NRG3: variants seen among roughly 807,000 people sequenced by gnomAD.
NRG3 encodes pro-neuregulin-3, membrane-bound isoform.
NRG3 carries 31 observed loss-of-function variants against 66.9 expected under a neutral mutation model. That is an observed-to-expected ratio of 0.46 (90% CI 0.35 to 0.63). NRG3 has a LOEUF of 0.63. NRG3 is among the 20% of genes least tolerant of loss of function. The pLI, the probability that NRG3 is intolerant of heterozygous loss-of-function variation, is 0.00. For synonymous variants in NRG3, 393 were observed against 359.4 expected, an observed-to-expected ratio of 1.09 and a Z score of -1.06; for missense variants, 910 against 878.9, an observed-to-expected ratio of 1.04 and a Z score of -0.45.
At chr10:82,319,976 C>T (rs1281056140) in intron 1 of NRG3, among the ~76,000 whole-genome samples, 1 of 152,152 alleles carries the variant, frequency 6.6e-6, no homozygotes, top group Non-Finnish European at 1.5e-5. Context: ...CTCTACTTTT[C>T]AAAGCCTTTC....
intron 2 of NRG3, among the ~76,000 whole-genome samples, chr10:82,448,573 T>A (rs2090860359): frequency 6.6e-6 from 1 of 152,158 alleles, no homozygotes; most frequent in Non-Finnish European, 1.5e-5. Flanking sequence ...GATATCAAAT[T>A]TGTGTTCAAA....
chr10:82,157,069 G>A (rs928555820), intron 1 of NRG3, among the ~76,000 whole-genome samples: 1 of 151,584 alleles, frequency 6.6e-6, no homozygotes, highest in African/African-American at 2.4e-5. Context: ...CTTGTGATTT[G>A]CTTCAGGGAA....
intron 1 of NRG3, among the ~76,000 whole-genome samples, chr10:82,171,126 G>A (rs1166103738): frequency 1.3e-5 from 2 of 151,368 alleles, no homozygotes; most frequent in African/African-American, 4.9e-5. Context: ...TAGTCTCCTG[G>A]TGCAATTCAA....
chr10:82,637,877 G>A (rs1045645899), intron 2 of NRG3, among the ~76,000 whole-genome samples: 2 of 151,630 alleles, frequency 1.3e-5, no homozygotes, highest in Non-Finnish European at 2.9e-5. Context: ...TAGCAATGCG[G>A]TAAAGTTAAT....
At chr10:82,081,995 C>T (rs1405905730) in intron 1 of NRG3, among the ~76,000 whole-genome samples, 2 of 152,062 alleles carry the variant, frequency 1.3e-5, no homozygotes, top group African/African-American at 4.8e-5. Context: ...ATATCTAAAA[C>T]CAAAAATAAG....
Position 82,392,021 on chromosome 10 carries a change from A to C in NRG3, c.953+33153A>C, listed in dbSNP as rs983482923. On this transcript the variant is annotated intron_variant, in intron 2 of 8. Transcript: ENST00000372141. ...AAAAAAAAAAAAAAACAAAAAAAAA[A>C]CCCACGAAACTAGGAAAAGCATTAG... is the stretch of plus-strand genomic sequence containing the variant. Among the ~76,000 whole-genome samples, 1,422 of 148,966 alleles carry C rather than the reference A, an allele frequency of 9.5e-3. 16 individuals are homozygous for C. Among genetic ancestry groups the C allele is most frequent in the Non-Finnish European group, 0.014 (937 of 67,246 alleles).
At chr10:82,350,292 T>C (rs1313827459) in intron 1 of NRG3, among the ~76,000 whole-genome samples, 1 of 152,260 alleles carries the variant, frequency 6.6e-6, no homozygotes, top group Non-Finnish European at 1.5e-5. Flanking sequence ...ATAATTTTCA[T>C]TGTTACAACC....
At chr10:82,351,520 GTC>G (rs1213050266) in intron 1 of NRG3, among the ~76,000 whole-genome samples, 5 of 152,224 alleles carry the variant, frequency 3.3e-5, no homozygotes, top group East Asian at 3.9e-4. Flanking sequence ...GTTAGCTGAG[GTC>G]TCTCTGTGCT....
At chr10:82,234,926 A>T (rs2076682344) in intron 1 of NRG3, among the ~76,000 whole-genome samples, 1 of 152,188 alleles carries the variant, frequency 6.6e-6, no homozygotes, top group Non-Finnish European at 1.5e-5. Flanking sequence ...TGTAATCGGG[A>T]TGTGTTTGTA....
At chr10:81,952,148 G>A (rs1766445139) in intron 1 of NRG3, among the ~76,000 whole-genome samples, 1 of 152,142 alleles carries the variant, frequency 6.6e-6, no homozygotes, top group African/African-American at 2.4e-5. Context: ...GTTAAATGAC[G>A]AGTTACTGGG....
At chr10:82,816,071 G>A (rs760178963) in intron 3 of NRG3, among the ~76,000 whole-genome samples, 4 of 152,240 alleles carry the variant, frequency 2.6e-5, no homozygotes, top group Admixed American at 6.5e-5. Flanking sequence ...AGGAACCACA[G>A]AGCCCCAAAA....
chr10:82,971,930 A>AT (rs1214605052), intron 6 of NRG3, among the ~76,000 whole-genome samples: 1 of 152,168 alleles, frequency 6.6e-6, no homozygotes, highest in Non-Finnish European at 1.5e-5. Flanking sequence ...ATTGCAGGGT[A>AT]TATCTTTACC....
chr10:82,646,485 A>C (rs1268907233), intron 2 of NRG3, among the ~76,000 whole-genome samples: 1 of 152,176 alleles, frequency 6.6e-6, no homozygotes, highest in Non-Finnish European at 1.5e-5. Flanking sequence ...CTGCAAGTAC[A>C]TCATAGCATG....
intron 1 of NRG3, among the ~76,000 whole-genome samples, chr10:81,891,824 G>C (rs1006216513): frequency 6.6e-6 from 1 of 152,142 alleles, no homozygotes; most frequent in Non-Finnish European, 1.5e-5. Context: ...TTCTGTAAAT[G>C]AGGCTGTTGG....
chr10:82,696,989 C>A (rs998546639), intron 2 of NRG3, among the ~76,000 whole-genome samples: 2 of 152,192 alleles, frequency 1.3e-5, no homozygotes, highest in African/African-American at 4.8e-5. Context: ...GCATCTTATT[C>A]TGCTAGTTTG....
intron 4 of NRG3, among the ~76,000 whole-genome samples, chr10:82,871,969 G>A: frequency 6.6e-6 from 1 of 151,940 alleles, no homozygotes; most frequent in East Asian, 1.9e-4. Flanking sequence ...AATGAAAGGG[G>A]GCAACTTTGC....
At chr10:82,211,547 A>G (rs1183416580) in intron 1 of NRG3, among the ~76,000 whole-genome samples, 2 of 152,166 alleles carry the variant, frequency 1.3e-5, no homozygotes, top group African/African-American at 4.8e-5. Flanking sequence ...CGTGCACAGG[A>G]TGAACTCACA....
At chr10:82,356,635 T>A (rs2135564635) in intron 1 of NRG3, among the ~76,000 whole-genome samples, 1 of 152,308 alleles carries the variant, frequency 6.6e-6, no homozygotes, top group Middle Eastern at 3.4e-3. Flanking sequence ...TATTTTGAAA[T>A]GGAAAACATA....
intron 2 of NRG3, among the ~76,000 whole-genome samples, chr10:82,663,035 A>G (rs997326089): frequency 1.3e-5 from 2 of 152,220 alleles, no homozygotes; most frequent in Non-Finnish European, 2.9e-5. Flanking sequence ...AGATGATTAG[A>G]TGTACTCATT....
Sources: allele counts gnomAD v4.1 joint callset (sites outside exome capture counted in the v4.1 genomes callset), GRCh38; gene constraint gnomAD v4.1.1; transcripts MANE v1.5; gene names NCBI Gene and HGNC (gene_info 2026-07-23, HGNC 2026-07-21).